The following ADAM12 variants were observed in gnomAD, a reference collection of about 807,000 sequenced individuals.
The protein encoded by ADAM12 is ADAM metallopeptidase domain 12, also known as disintegrin and metalloproteinase domain-containing protein 12.
A neutral mutation model predicts 106.4 loss-of-function variants in ADAM12; 70 were observed. That is an observed-to-expected ratio of 0.66 (90% CI 0.54 to 0.80). The LOEUF (loss-of-function observed/expected upper bound fraction) is 0.80. Ranked by LOEUF, ADAM12 falls within the 30% of genes least tolerant of loss-of-function variation. The probability of loss-of-function intolerance (pLI) is 0.00; values close to 1 mark genes in which losing one functional copy is unlikely to be tolerated. For synonymous variants in ADAM12, 420 were observed against 433.5 expected (o/e 0.97, Z 0.39); for missense variants, 1,010 against 1,171.9 (o/e 0.86, Z 2.02).
At chr10:126,200,731 G>A (rs1957683252) in intron 3 of ADAM12, among the ~76,000 whole-genome samples, 1 of 152,172 alleles carries the variant, frequency 6.6e-6, no homozygotes, top group South Asian at 2.1e-4. Flanking sequence ...GCTCTAAATG[G>A]TTCAGAATGT....
intron 9 of ADAM12, 22 bp downstream of exon 9, chr10:126,101,050 C>T (rs2133579854): frequency 6.2e-7 from 1 of 1,600,304 alleles, no homozygotes; most frequent in Middle Eastern, 1.8e-4. Flanking sequence ...TTTTTTTAAG[C>T]AGACAAGACG....
intron 21 of ADAM12, among the ~76,000 whole-genome samples, chr10:126,031,405 A>G (rs1335032108): frequency 1.3e-5 from 2 of 152,216 alleles, no homozygotes; most frequent in Non-Finnish European, 2.9e-5. Context: ...TTCGGAGCCA[A>G]ATTCATTTTG....
intron 18 of ADAM12, among the ~76,000 whole-genome samples, chr10:126,040,460 C>T (rs1014485937): frequency 2.6e-5 from 4 of 152,232 alleles, no homozygotes; most frequent in Non-Finnish European, 5.9e-5. Context: ...GCAGCTCCTA[C>T]TCCAGGGAAA....
intron 2 of ADAM12, among the ~76,000 whole-genome samples, chr10:126,304,278 T>C (rs1301145698): frequency 1.4e-5 from 1 of 73,464 alleles, no homozygotes; most frequent in African/African-American, 5.4e-5. Flanking sequence ...CAAAACCAGG[T>C]AACAAAAAGG....
intron 3 of ADAM12, among the ~76,000 whole-genome samples, chr10:126,262,749 G>A (rs1959026012): frequency 1.3e-5 from 2 of 152,088 alleles, no homozygotes; most frequent in Non-Finnish European, 2.9e-5. Flanking sequence ...AGCCTTTAAG[G>A]AAGTCAAGGT....
At chr10:126,358,228 T>C (rs1050152114) in intron 1 of ADAM12, among the ~76,000 whole-genome samples, 3 of 149,626 alleles carry the variant, frequency 2.0e-5, no homozygotes, top group Non-Finnish European at 4.4e-5. Context: ...TTGTTAAACA[T>C]ACATGCAAAA....
intron 3 of ADAM12, among the ~76,000 whole-genome samples, chr10:126,244,937 G>A (rs1394403846): frequency 1.3e-5 from 2 of 152,214 alleles, no homozygotes; most frequent in Admixed American, 6.5e-5. Context: ...CAAGAGAACA[G>A]GAGAAGCCAA....
At chr10:126,267,017 C>A (rs1959110333) in intron 3 of ADAM12, among the ~76,000 whole-genome samples, 1 of 152,162 alleles carries the variant, frequency 6.6e-6, no homozygotes, top group Non-Finnish European at 1.5e-5. Context: ...TCCTAACAAC[C>A]TGGGAGGAAG....
At chr10:126,253,698 G>C (rs917036969) in intron 3 of ADAM12, among the ~76,000 whole-genome samples, 1 of 152,112 alleles carries the variant, frequency 6.6e-6, no homozygotes, top group African/African-American at 2.4e-5. Context: ...GGGTTGGGTG[G>C]GGGGAGGGCT....
At chr10:126,206,867 G>GGGC in intron 3 of ADAM12, among the ~76,000 whole-genome samples, 1 of 134,880 alleles carries the variant, frequency 7.4e-6, no homozygotes, top group Admixed American at 7.3e-5. Context: ...GGGCGGGGGG[G>GGGC]AGCCAGTGGG....
chr10:126,322,623 A>T (rs1564732701), intron 2 of ADAM12, among the ~76,000 whole-genome samples: 2 of 152,190 alleles, frequency 1.3e-5, no homozygotes. Context: ...AGAGGCTGGC[A>T]TTTGCTGAGG....
In ADAM12 at chr10:126,017,304, G is replaced by A. The variant is rs145366196; in HGVS notation, c.2696C>T (p.Ser899Phe). 1.2e-4 allele frequency: 189 copies of A among 1,594,252 alleles called. 1 individual carries two copies. The Middle Eastern group carries it at 3.5e-3, about 29-fold the overall frequency. The change falls in exon 23 of 23, where the codon TCC becomes TTC. Residue 899 changes from serine (S) to phenylalanine (F), a missense_variant. Physicochemically the swap from Ser to Phe is radical, Grantham distance 155. Coordinates refer to ENST00000448723, the MANE Select transcript of ADAM12 (RefSeq NM_001288973.2). Reference sequence around the variant, plus strand: ...TCACTTAATATAGGCGGTGTGGGTGGATCTGGGCACTTGGTGTGGATATTG... The same window carrying A: ...TCACTTAATATAGGCGGTGTGGGTGAATCTGGGCACTTGGTGTGGATATTG... Reference protein sequence around the residue: ...APQYPHQVPRSTHTAYIK With the variant: ...APQYPHQVPRFTHTAYIK
chr10:126,079,945 C>T (rs1221402843), intron 11 of ADAM12, among the ~76,000 whole-genome samples: 1 of 152,194 alleles, frequency 6.6e-6, no homozygotes, highest in Non-Finnish European at 1.5e-5. Flanking sequence ...TGCTACTGAT[C>T]TGATTTTAGG....
chr10:126,116,744 A>G (rs183690966), intron 6 of ADAM12, among the ~76,000 whole-genome samples: 1 of 152,238 alleles, frequency 6.6e-6, no homozygotes, highest in East Asian at 1.9e-4. Context: ...CTGGACTGAA[A>G]GAATGAATGT....
chr10:126,216,470 C>T (rs966682975), intron 3 of ADAM12, among the ~76,000 whole-genome samples: 1 of 152,194 alleles, frequency 6.6e-6, no homozygotes, highest in Non-Finnish European at 1.5e-5. Flanking sequence ...TTCGCCCCTG[C>T]CAAGATGTAT....
At chr10:126,110,231 C>G (rs891170123) in intron 6 of ADAM12, among the ~76,000 whole-genome samples, 2 of 151,662 alleles carry the variant, frequency 1.3e-5, no homozygotes, top group Non-Finnish European at 2.9e-5. Context: ...CTGATGACCA[C>G]ATTTGAAGGT....
intron 5 of ADAM12, among the ~76,000 whole-genome samples, chr10:126,121,685 G>A (rs1434710385): frequency 6.6e-6 from 1 of 151,550 alleles, no homozygotes; most frequent in African/African-American, 2.4e-5. Flanking sequence ...TTCCAAAGAA[G>A]GGACTGTGTA....
chr10:126,290,740 G>A (rs1960111876), intron 2 of ADAM12, among the ~76,000 whole-genome samples: 1 of 152,124 alleles, frequency 6.6e-6, no homozygotes, highest in East Asian at 1.9e-4. Flanking sequence ...TATTAACTGA[G>A]GGCCTATTTA....
intron 3 of ADAM12, among the ~76,000 whole-genome samples, chr10:126,190,044 T>G (rs1353239470): frequency 6.6e-6 from 1 of 152,064 alleles, no homozygotes; most frequent in African/African-American, 2.4e-5. Flanking sequence ...CAAATGGTTG[T>G]GCTGAGTGCA....
Sources: gnomAD v4.1 joint callset for allele counts (sites outside exome capture counted in the v4.1 genomes callset) on GRCh38, gnomAD v4.1.1 for gene constraint, MANE v1.5 for transcripts, NCBI Gene and HGNC (gene_info 2026-07-23, HGNC 2026-07-21) for gene names.